Variants in ZNF518A observed in about 807,000 individuals in gnomAD.
ZNF518A encodes the protein zinc finger protein 518A.
ZNF518A carries 47 observed loss-of-function variants against 102.7 expected under a neutral mutation model. That is an observed-to-expected ratio of 0.46 (90% CI 0.36 to 0.58). ZNF518A has a LOEUF of 0.58. ZNF518A is among the 20% of genes least tolerant of loss of function. ZNF518A has a pLI of 0.00. For missense variants in ZNF518A, 1,793 were observed against 1,699.8 expected, an observed-to-expected ratio of 1.05 and a Z score of -0.96; for synonymous variants, 652 against 594.6, an observed-to-expected ratio of 1.10 and a Z score of -1.40.
downstream of ZNF518A, among the ~76,000 whole-genome samples, chr10:96,165,467 A>C (rs201650372): frequency 0.35 from 33,445 of 96,938 alleles, 5,259 homozygotes; most frequent in Middle Eastern, 0.45. Flanking sequence ...AAACAACAAC[A>C]ACCAAAAAAA....
chr10:96,199,286 A>G (rs1473499800), intron 1 of ZNF518A, among the ~76,000 whole-genome samples: 2 of 152,216 alleles, frequency 1.3e-5, no homozygotes, highest in Admixed American at 1.3e-4. Flanking sequence ...TTAATCTTGA[A>G]TTGTCCAAGC....
chr10:96,194,836 T>G (rs1435701180), intron 1 of ZNF518A, among the ~76,000 whole-genome samples: 1 of 137,304 alleles, frequency 7.3e-6, no homozygotes, highest in Non-Finnish European at 1.5e-5. Flanking sequence ...AGTGGCGCGA[T>G]CTCGACTCAC....
At chr10:96,187,998 G>A (rs1174196128) in intron 1 of ZNF518A, among the ~76,000 whole-genome samples, 1 of 152,156 alleles carries the variant, frequency 6.6e-6, no homozygotes, top group East Asian at 1.9e-4. Context: ...ACAGGCGAGT[G>A]CCACCATGCC....
intron 1 of ZNF518A, among the ~76,000 whole-genome samples, chr10:96,178,868 A>G (rs1215289120): frequency 1.3e-5 from 2 of 152,110 alleles, no homozygotes; most frequent in Non-Finnish European, 2.9e-5. Flanking sequence ...CAAAACAAAA[A>G]TAGAAAATCA....
downstream of ZNF518A, chr10:96,204,860 G>A: frequency 2.1e-6 from 1 of 465,390 alleles, no homozygotes; most frequent in Non-Finnish European, 4.0e-6. Context: ...TCATCCACTG[G>A]CAATGTACAT....
chr10:96,189,573 C>T, intron 1 of ZNF518A: 1 of 677,360 alleles, frequency 1.5e-6, no homozygotes, highest in Admixed American at 1.8e-5. Flanking sequence ...GGATTCTTGT[C>T]CTTTTAATCT....
chr10:96,168,114 G>A (rs147109316), downstream of ZNF518A, among the ~76,000 whole-genome samples: 51 of 152,278 alleles, frequency 3.3e-4, no homozygotes, highest in African/African-American at 1.0e-3. Context: ...CAAGAGTTAC[G>A]AACAGATATA....
At position 96,162,484 on chromosome 10, in the gene ZNF518A, A is replaced by G. The variant is rs2083035967; in HGVS notation, c.*1710A>G. The G allele has an allele frequency of 6.0e-6, 1 of 166,982 alleles. No individual in the cohort carries two copies. The highest frequency in any genetic ancestry group is 1.9e-4 in the East Asian group (1 of 5,204). The allele number at this position is 166,982 out of a possible 1,614,324, so 10.3% of individuals were successfully genotyped here. On this transcript the variant is annotated 3_prime_UTR_variant, in exon 6 of 6. Coordinates refer to ENST00000316045, the MANE Select transcript of ZNF518A (RefSeq NM_001330736.2). ...AATAGTTTTATTTTTAAAGAAAGCCATACATAGAATGCTTCAAGCTATCTT... is the reference window on the plus strand; with the variant it reads ...AATAGTTTTATTTTTAAAGAAAGCCGTACATAGAATGCTTCAAGCTATCTT...
chr10:96,155,317 A>G lies in ZNF518A; in HGVS notation c.-301-9A>G, dbSNP rs1351086919. Reference sequence around the variant, plus strand: ...AGGGGAAGTACTAATTTTTCCCCCCATTTTACAGATGAAGGAACTGAGACA... The same window carrying G: ...AGGGGAAGTACTAATTTTTCCCCCCGTTTTACAGATGAAGGAACTGAGACA... On this transcript the variant is annotated splice_polypyrimidine_tract_variant and intron_variant, in intron 3 of 5. Transcript: ENST00000316045. The G allele has an allele frequency of 6.6e-6, 1 of 152,188 alleles. No homozygotes were observed. Among genetic ancestry groups the G allele is most frequent in the Non-Finnish European group, 1.5e-5 (1 of 68,018 alleles). The allele number at this position is 152,188 out of a possible 1,614,324, so 9.4% of individuals were successfully genotyped here. A position where few individuals can be genotyped will look rare whatever the true frequency, so the allele number is the denominator to read the frequency against.
exon 3 of ZNF518A, chr10:96,203,929 C>A: frequency 1.4e-6 from 1 of 694,582 alleles, no homozygotes; most frequent in Admixed American, 2.3e-5. Context: ...GGTAAGGAAA[C>A]AAGTGGGAGA....
At position 96,180,930 on chromosome 10, in the gene ZNF518A, A is replaced by G. The variant is rs587608391; in HGVS notation, n.36-22644A>G. Among the ~76,000 whole-genome samples, 9 of 152,288 alleles carry G rather than the reference A, an allele frequency of 5.9e-5. No homozygotes were observed. The East Asian group carries it at 1.7e-3, about 29-fold the overall frequency. ...TTGAGGAATTGCCACACTGTCTTCC[A>G]CAATGGTTGAACTAGTTTACACTCC... On this transcript the variant is annotated intron_variant and non_coding_transcript_variant, in intron 1 of 2. Coordinates refer to the ZNF518A transcript ENST00000442635.
rs150495829 is a variant in ZNF518A, at chr10:96,189,698, AATCATCATCATC to A, written n.36-13851_36-13840del. ...TTTTCTTCAGTTTCCTCATCATCAA[AATCATCATCATC>A]ATCATCATCATCATCATCATCATCT... On this transcript the variant is annotated intron_variant and non_coding_transcript_variant, in intron 1 of 2. Transcript: ENST00000442635. 92 of 655,558 alleles carry A rather than the reference AATCATCATCATC, an allele frequency of 1.4e-4. 2 individuals carry two copies. The highest frequency in any genetic ancestry group is 1.0e-3 in the South Asian group (69 of 68,036). The allele number at this position is 655,558 out of a possible 1,614,324, so 40.6% of individuals were successfully genotyped here.
intron 3 of ZNF518A, among the ~76,000 whole-genome samples, chr10:96,134,521 A>T (rs899495737): frequency 6.6e-6 from 1 of 152,216 alleles, no homozygotes; most frequent in East Asian, 1.9e-4. Flanking sequence ...GGGGTGAGCC[A>T]CTGCTCCCGG....
chr10:96,142,303 A>AG (rs1325912764), intron 3 of ZNF518A, among the ~76,000 whole-genome samples: 1 of 92,476 alleles, frequency 1.1e-5, no homozygotes, highest in African/African-American at 3.7e-5. Context: ...TAATATTCTT[A>AG]GGGTGTGTGT....
At chr10:96,153,672 T>C (rs587653821) in intron 3 of ZNF518A, among the ~76,000 whole-genome samples, 5 of 152,378 alleles carry the variant, frequency 3.3e-5, no homozygotes, top group East Asian at 3.9e-4. Context: ...CTTACTGTTA[T>C]GCCATTTTTT....
chr10:96,182,506 A>C lies in ZNF518A; in HGVS notation n.36-21068A>C, dbSNP rs587745974. On this transcript the variant is annotated intron_variant and non_coding_transcript_variant, in intron 1 of 2. Coordinates refer to the ZNF518A transcript ENST00000442635. ...CTCTTATTATTTTGAGATATGTTCC[A>C]TCAATACCTAGTTTATTGAGAGTTT... Among the ~76,000 whole-genome samples the C allele has an allele frequency of 2.0e-5, 3 of 152,298 alleles. No homozygotes were observed. In the South Asian group the frequency reaches 6.2e-4, roughly 32 times the overall value.
chr10:96,191,966 TC>T (rs1450068789), intron 1 of ZNF518A: 2 of 1,613,456 alleles, frequency 1.2e-6, no homozygotes, highest in African/African-American at 1.3e-5. Context: ...ATCTTTTTTT[TC>T]CCCCTTTATG....
chr10:96,148,553 C>T (rs2082278260), intron 3 of ZNF518A, among the ~76,000 whole-genome samples: 1 of 80 alleles, frequency 0.013, no homozygotes, highest in East Asian at 0.5. Context: ...TCAGACTGTC[C>T]AGTAATCCTC....
chr10:96,189,277 A>G (rs2083293526), intron 1 of ZNF518A: 2 of 427,414 alleles, frequency 4.7e-6, no homozygotes, highest in Non-Finnish European at 4.4e-6. Flanking sequence ...CTCACTCTGC[A>G]TTATAGAAAG....
Sources: gnomAD v4.1 joint callset for allele counts (sites outside exome capture counted in the v4.1 genomes callset) on GRCh38, gnomAD v4.1.1 for gene constraint, MANE v1.5 for transcripts, NCBI Gene and HGNC (gene_info 2026-07-23, HGNC 2026-07-21) for gene names.